COL22A1: variants seen among roughly 807,000 people sequenced by gnomAD.
The protein encoded by COL22A1 is collagen type XXII alpha 1 chain, also known as collagen alpha-1(XXII) chain.
A neutral mutation model predicts 248.9 loss-of-function variants in COL22A1; 221 were observed. The ratio of observed to expected loss-of-function variants is 0.89; its 90% confidence interval spans 0.80 to 0.99. COL22A1 has a LOEUF of 0.99. COL22A1 is among the 50% of genes least tolerant of loss of function. The probability of loss-of-function intolerance (pLI) is 0.00; values close to 1 mark genes in which losing one functional copy is unlikely to be tolerated. For missense variants in COL22A1, 2,240 were observed against 2,179.0 expected (o/e 1.03, Z -0.56); for synonymous variants, 891 against 793.4 (o/e 1.12, Z -2.07).
chr8:138,708,842 G>A (rs1388734150), intron 30 of COL22A1, among the ~76,000 whole-genome samples: 2 of 152,232 alleles, frequency 1.3e-5, no homozygotes, highest in South Asian at 2.1e-4. Flanking sequence ...CCATTAGAGT[G>A]AACAGGCAAC....
intron 1 of COL22A1, among the ~76,000 whole-genome samples, chr8:138,890,349 A>G (rs983047329): frequency 5.9e-5 from 9 of 152,254 alleles, no homozygotes; most frequent in African/African-American, 1.9e-4. Flanking sequence ...TCTACTCAAC[A>G]TGCTACTGGA....
At chr8:138,796,511 T>C (rs1816552960) in intron 12 of COL22A1, among the ~76,000 whole-genome samples, 2 of 150,894 alleles carry the variant, frequency 1.3e-5, no homozygotes, top group South Asian at 2.1e-4. Context: ...TTCTCGGGTA[T>C]AGTTCAAACG....
At chr8:138,669,362 G>A (rs2130754837) in intron 41 of COL22A1, among the ~76,000 whole-genome samples, 1 of 152,324 alleles carries the variant, frequency 6.6e-6, no homozygotes, top group South Asian at 2.1e-4. Context: ...TGAGGGTCCT[G>A]GAGGCCGGTC....
At chr8:138,608,326 G>A (rs1022609859) in intron 56 of COL22A1, among the ~76,000 whole-genome samples, 4 of 152,154 alleles carry the variant, frequency 2.6e-5, no homozygotes, top group Non-Finnish European at 5.9e-5. Flanking sequence ...TTGCTGTGTT[G>A]AAGAACAAAC....
chr8:138,702,286 C>T (rs1489848272), intron 31 of COL22A1, among the ~76,000 whole-genome samples: 1 of 152,202 alleles, frequency 6.6e-6, no homozygotes, highest in Non-Finnish European at 1.5e-5. Context: ...AATTCCGACT[C>T]TAAAGTTGTG....
chr8:138,824,302 G>A (rs1288793660), intron 6 of COL22A1, among the ~76,000 whole-genome samples: 1 of 152,186 alleles, frequency 6.6e-6, no homozygotes, highest in African/African-American at 2.4e-5. Context: ...GATGTCTTGT[G>A]TTTACCAATA....
intron 25 of COL22A1, among the ~76,000 whole-genome samples, chr8:138,723,677 G>C (rs1024522622): frequency 6.6e-6 from 1 of 152,206 alleles, no homozygotes; most frequent in Admixed American, 6.5e-5. Flanking sequence ...GTTTGCCGGT[G>C]ATGGTGCCAT....
At chr8:138,869,716 C>T (rs1312372085) in intron 3 of COL22A1, among the ~76,000 whole-genome samples, 1 of 152,192 alleles carries the variant, frequency 6.6e-6, no homozygotes, top group Non-Finnish European at 1.5e-5. Flanking sequence ...TGACCTCAGT[C>T]CTAATAAGCC....
In COL22A1 at chr8:138,724,804, T is replaced by C. The variant is rs1019054062; in HGVS notation, c.2194-136A>G. 2.4e-5 allele frequency: 19 copies of C among 779,008 alleles called. No homozygotes were observed. In the Admixed American group the frequency reaches 2.6e-4, roughly 11 times the overall value. The allele number at this position is 779,008 out of a possible 1,614,324, so 48.3% of individuals were successfully genotyped here. On this transcript the variant is annotated intron_variant, in intron 24 of 64. Coordinates refer to ENST00000303045, the MANE Select transcript of COL22A1 (RefSeq NM_152888.3). ...CTGGGGCCTCTACTGTCCTTGGTCA[T>C]CCGCTGTGAAACGCGGAGTTGTTGC...
chr8:138,806,723 G>A (rs1817761816), intron 10 of COL22A1, among the ~76,000 whole-genome samples: 1 of 152,180 alleles, frequency 6.6e-6, no homozygotes, highest in South Asian at 2.1e-4. Context: ...CACAGCAGCG[G>A]GCACTGGAAC....
At chr8:138,882,640 T>C in intron 2 of COL22A1, among the ~76,000 whole-genome samples, 2 of 123,892 alleles carry the variant, frequency 1.6e-5, no homozygotes, top group South Asian at 2.8e-4. Context: ...ACTCACACAC[T>C]CTCACACTCC....
intron 52 of COL22A1, among the ~76,000 whole-genome samples, chr8:138,622,185 T>G (rs747872812): frequency 5.9e-5 from 9 of 152,216 alleles, no homozygotes; most frequent in Non-Finnish European, 1.2e-4. Flanking sequence ...GAGCTACAAC[T>G]AGGGCAGCTG....
chr8:138,697,768 T>C (rs537433889), intron 32 of COL22A1, among the ~76,000 whole-genome samples: 2 of 152,360 alleles, frequency 1.3e-5, no homozygotes, highest in South Asian at 4.1e-4. Context: ...CAAAGGCATG[T>C]GCCTGAGCAG....
At chr8:138,643,481 T>C (rs1425025388) in intron 47 of COL22A1, among the ~76,000 whole-genome samples, 1 of 152,182 alleles carries the variant, frequency 6.6e-6, no homozygotes, top group Non-Finnish European at 1.5e-5. Context: ...GCTTGCTTTT[T>C]ACCAGTCATA....
chr8:138,670,486 T>C (rs1304919897), intron 41 of COL22A1, among the ~76,000 whole-genome samples: 1 of 152,016 alleles, frequency 6.6e-6, no homozygotes, highest in African/African-American at 2.4e-5. Context: ...CCAGACAAGA[T>C]GGGGGTACTC....
chr8:138,659,062 G>A (rs999518277), intron 44 of COL22A1, among the ~76,000 whole-genome samples: 1 of 152,082 alleles, frequency 6.6e-6, no homozygotes, highest in Non-Finnish European at 1.5e-5. Context: ...TTGACTTCTG[G>A]CCTGAACCTC....
chr8:138,832,770 T>C (rs1337538696), intron 5 of COL22A1, among the ~76,000 whole-genome samples: 3 of 152,200 alleles, frequency 2.0e-5, no homozygotes, highest in Admixed American at 1.3e-4. Context: ...AAAACACATG[T>C]ATGAATGAAT....
At chr8:138,742,927 G>A (rs1242430253) in intron 22 of COL22A1, among the ~76,000 whole-genome samples, 8 of 151,860 alleles carry the variant, frequency 5.3e-5, no homozygotes. Flanking sequence ...TGATGGTAAT[G>A]GTGGAGTTGA....
rs149989819 is a variant in COL22A1, at chr8:138,797,198, T to C, written c.1558-341A>G. Among the ~76,000 whole-genome samples, 419 of 152,272 alleles carry C rather than the reference T, an allele frequency of 2.8e-3. 2 individuals carry two copies. Among genetic ancestry groups the C allele is most frequent in the African/African-American group, 9.5e-3 (396 of 41,562 alleles). On this transcript the variant is annotated intron_variant, in intron 11 of 64. Transcript: ENST00000303045. The stretch of plus-strand genomic sequence containing the variant: ...TGTGCAACAAAATCCCCACAAACAA[T>C]TTTAGAATATTTTTATCACCTCAGA...
Sources: gnomAD v4.1 joint callset for allele counts (sites outside exome capture counted in the v4.1 genomes callset) on GRCh38, gnomAD v4.1.1 for gene constraint, MANE v1.5 for transcripts, NCBI Gene and HGNC (gene_info 2026-07-23, HGNC 2026-07-21) for gene names.